PRELID2: variants seen among roughly 807,000 people sequenced by gnomAD.
PRELID2 encodes PRELI domain-containing protein 2.
Under a neutral mutation model 28.4 loss-of-function variants are expected in PRELID2, and 25 were observed. The observed-to-expected ratio is 0.88, with a 90% confidence interval of 0.64 to 1.23. The LOEUF is 1.23. PRELID2 is among the 50% of genes most tolerant of loss of function. The pLI is 0.00. For missense variants in PRELID2, 201 were observed against 214.4 expected (o/e 0.94, Z 0.39); for synonymous variants, 76 against 71.6 (o/e 1.06, Z -0.31).
chr5:145,337,757 AC>A, the PRELID2 span, among the ~76,000 whole-genome samples: 1 of 142,658 alleles, frequency 7.0e-6, no homozygotes, highest in Non-Finnish European at 1.5e-5. Context: ...ACACACACAC[AC>A]ACACATACAC....
At chr5:145,647,213 G>A (rs1482768599) in intron 1 of PRELID2, among the ~76,000 whole-genome samples, 1 of 152,176 alleles carries the variant, frequency 6.6e-6, no homozygotes. Context: ...GAGATGCCCT[G>A]CCCAGAGAGA....
At chr5:145,789,359 T>C (rs1224763408) in intron 5 of PRELID2, among the ~76,000 whole-genome samples, 3 of 152,126 alleles carry the variant, frequency 2.0e-5, no homozygotes, top group South Asian at 2.1e-4. Context: ...TTACAGTCAA[T>C]TGATTTTCAC....
At chr5:145,599,535 C>T (rs1215577692) in intron 1 of PRELID2, among the ~76,000 whole-genome samples, 1 of 152,080 alleles carries the variant, frequency 6.6e-6, no homozygotes, top group African/African-American at 2.4e-5. Context: ...TCATGGTTAC[C>T]CCCTTTTCAG....
the PRELID2 span, among the ~76,000 whole-genome samples, chr5:145,273,433 C>A: frequency 0.025 from 3,773 of 151,758 alleles, 158 homozygotes; most frequent in African/African-American, 0.087. Flanking sequence ...ATTGTCAGAG[C>A]CAGAGGTTGA....
chr5:145,761,389 T>C (rs1242592962), intron 6 of PRELID2, among the ~76,000 whole-genome samples: 1 of 152,236 alleles, frequency 6.6e-6, no homozygotes, highest in Admixed American at 6.5e-5. Flanking sequence ...TTTAACTTCC[T>C]GTTATTATCA....
rs546036604 is a variant in PRELID2 at position 145,643,939 on chromosome 5, A to G, written n.70+120992T>C. Among the ~76,000 whole-genome samples, 13 of 152,238 alleles carry G rather than the reference A, an allele frequency of 8.5e-5. 1 individual carries two copies. The highest frequency in any genetic ancestry group is 2.9e-4 in the African/African-American group (12 of 41,554). ...CCAGTATTTTATTGAGGATTTTTGC[A>G]TCTATATTCATCAGTGATATTGGCC... On this transcript the variant is annotated intron_variant and non_coding_transcript_variant, in intron 1 of 2. Coordinates refer to the PRELID2 transcript ENST00000510259.
At chr5:145,256,972 A>G in the PRELID2 span, among the ~76,000 whole-genome samples, 1 of 152,080 alleles carries the variant, frequency 6.6e-6, no homozygotes, top group East Asian at 1.9e-4. Context: ...CTTGTACTAC[A>G]TGAAGTGTTT....
the PRELID2 span, among the ~76,000 whole-genome samples, chr5:145,270,131 T>G: frequency 6.6e-6 from 1 of 151,756 alleles, no homozygotes; most frequent in African/African-American, 2.4e-5. Context: ...TCATACATTG[T>G]TGGGAGGAAC....
At chr5:145,541,872 C>G (rs1752747879) in intron 1 of PRELID2, among the ~76,000 whole-genome samples, 1 of 151,622 alleles carries the variant, frequency 6.6e-6, no homozygotes, top group South Asian at 2.1e-4. Flanking sequence ...TGAAATGTTA[C>G]TGCAATATTT....
At chr5:145,672,255 G>T (rs1754722177) in intron 1 of PRELID2, among the ~76,000 whole-genome samples, 1 of 152,052 alleles carries the variant, frequency 6.6e-6, no homozygotes, top group Non-Finnish European at 1.5e-5. Flanking sequence ...GGTCATATCA[G>T]CATCATCTTT....
chr5:145,703,265 A>G (rs989593299), intron 1 of PRELID2, among the ~76,000 whole-genome samples: 9 of 152,374 alleles, frequency 5.9e-5, no homozygotes, highest in African/African-American at 2.2e-4. Flanking sequence ...CAATTGATCC[A>G]GAGTCAGAGT....
the PRELID2 span, among the ~76,000 whole-genome samples, chr5:145,290,236 G>A: frequency 7.9e-5 from 12 of 152,048 alleles, no homozygotes; most frequent in Non-Finnish European, 1.5e-4. Flanking sequence ...TTGACCCAGC[G>A]ATCCCATTAC....
chr5:145,735,602 T>C (rs1756475033), intron 1 of PRELID2, among the ~76,000 whole-genome samples: 1 of 152,212 alleles, frequency 6.6e-6, no homozygotes, highest in African/African-American at 2.4e-5. Flanking sequence ...GTATTTAGCA[T>C]TACATGACAT....
the PRELID2 span, among the ~76,000 whole-genome samples, chr5:145,449,935 T>G: frequency 6.6e-6 from 1 of 152,158 alleles, no homozygotes; most frequent in Admixed American, 6.6e-5. Flanking sequence ...AATAAATACT[T>G]AAATTTTTGA....
the PRELID2 span, among the ~76,000 whole-genome samples, chr5:145,235,508 A>G: frequency 2.0e-5 from 3 of 152,172 alleles, no homozygotes; most frequent in African/African-American, 7.2e-5. Context: ...TCCTTGCAAC[A>G]AGAATTGGCA....
intron 1 of PRELID2, among the ~76,000 whole-genome samples, chr5:145,485,997 A>G (rs1202468985): frequency 1.3e-5 from 2 of 152,230 alleles, no homozygotes; most frequent in Non-Finnish European, 2.9e-5. Context: ...CAACTTTCAT[A>G]CGTACACCTA....
the PRELID2 span, among the ~76,000 whole-genome samples, chr5:145,274,390 A>T: frequency 4.6e-5 from 7 of 152,178 alleles, no homozygotes; most frequent in African/African-American, 1.7e-4. Flanking sequence ...AATTTTCTAG[A>T]GCGACATTAT....
chr5:145,285,051 G>A, the PRELID2 span, among the ~76,000 whole-genome samples: 4 of 152,064 alleles, frequency 2.6e-5, no homozygotes, highest in Non-Finnish European at 4.4e-5. Context: ...GAACACTGGG[G>A]TTTAGAATAC....
intron 1 of PRELID2, among the ~76,000 whole-genome samples, chr5:145,739,829 T>C (rs1216924109): frequency 6.6e-6 from 1 of 151,696 alleles, no homozygotes; most frequent in African/African-American, 2.4e-5. Context: ...CTAATTTTTT[T>C]AAAAAACTGT....
Sources: allele counts gnomAD v4.1 joint callset (sites outside exome capture counted in the v4.1 genomes callset), GRCh38; gene constraint gnomAD v4.1.1; transcripts MANE v1.5; gene names NCBI Gene and HGNC (gene_info 2026-07-23, HGNC 2026-07-21).